CLCN3: variants seen among roughly 807,000 people sequenced by gnomAD.
CLCN3 encodes the protein Cl-/H+ antiporter 3.
Under a neutral mutation model 83.4 loss-of-function variants are expected in CLCN3, and 16 were observed. That is an observed-to-expected ratio of 0.19 (90% confidence interval 0.13 to 0.29). CLCN3 has a LOEUF of 0.29. Among genes scored for constraint, CLCN3 ranks in the 10% least tolerant of loss-of-function variants. CLCN3 has a pLI of 1.00. For synonymous variants in CLCN3, 322 were observed against 346.2 expected (o/e 0.93, Z 0.78); for missense variants, 544 against 1,006.0 (o/e 0.54, Z 6.21).
intron 1 of CLCN3, among the ~76,000 whole-genome samples, chr4:169,623,603 T>C (rs1293298173): frequency 6.6e-6 from 1 of 152,212 alleles, no homozygotes; most frequent in Non-Finnish European, 1.5e-5. Flanking sequence ...GCAATAGATC[T>C]CTAAAACTTA....
intron 11 of CLCN3, among the ~76,000 whole-genome samples, chr4:169,712,544 C>G (rs891444169): frequency 6.6e-6 from 1 of 152,126 alleles, no homozygotes; most frequent in Admixed American, 6.5e-5. Context: ...CTGTAATGTT[C>G]ATGACTTTTC....
chr4:169,657,300 A>T (rs977704655), intron 2 of CLCN3, among the ~76,000 whole-genome samples: 6 of 151,646 alleles, frequency 4.0e-5, no homozygotes, highest in Non-Finnish European at 7.4e-5. Context: ...AAGTCTTTTT[A>T]AAAAAAATTC....
intron 1 of CLCN3, among the ~76,000 whole-genome samples, chr4:169,627,549 A>C (rs777126490): frequency 5.3e-4 from 80 of 152,290 alleles, no homozygotes; most frequent in Non-Finnish European, 1.1e-3. Flanking sequence ...TGCCTGGTAC[A>C]TGCTAAGTGT....
At chr4:169,623,281 A>G (rs958122520) in intron 1 of CLCN3, among the ~76,000 whole-genome samples, 10 of 152,146 alleles carry the variant, frequency 6.6e-5, no homozygotes, top group Non-Finnish European at 1.3e-4. Context: ...TCTGAGTGTT[A>G]TATTTGTATG....
intron 2 of CLCN3, among the ~76,000 whole-genome samples, chr4:169,664,858 G>A (rs749159447): frequency 6.6e-6 from 1 of 152,172 alleles, no homozygotes; most frequent in Non-Finnish European, 1.5e-5. Flanking sequence ...CATTGATTAA[G>A]TTTGTAATTT....
Position 169,636,087 on chromosome 4 carries a change from T to C in CLCN3, c.159T>C (p.Val53=), listed in dbSNP as rs766089486. 1.2e-6 allele frequency: 2 copies of C among 1,610,902 alleles called. No homozygotes were observed. The highest frequency in any genetic ancestry group is 2.2e-5 in the South Asian group (2 of 90,742). Reference sequence around the variant, plus strand: ...ATTTATTAGATGGTGACACTGCAGTTGGTAAGTTCAGCATGACAGCCTAAT... The same window carrying C: ...ATTTATTAGATGGTGACACTGCAGTCGGTAAGTTCAGCATGACAGCCTAAT... ...DDNLLDGDTA[V]GTHYTMTNGG... The change falls in exon 2 of 13, where the codon GTT becomes GTC. Residue 53 remains valine, a splice_region_variant and synonymous_variant. Coordinates refer to ENST00000513761, the MANE Select transcript of CLCN3 (RefSeq NM_001829.4).
At chr4:169,636,735 G>GT (rs67900605) in intron 2 of CLCN3, among the ~76,000 whole-genome samples, 10,657 of 119,368 alleles carry the variant, frequency 0.089, 1,381 homozygotes, top group African/African-American at 0.29. Flanking sequence ...TCATTATTTG[G>GT]TTTTTTTTTT....
At chr4:169,714,032 T>G (rs1170236010) in intron 12 of CLCN3, among the ~76,000 whole-genome samples, 1 of 152,214 alleles carries the variant, frequency 6.6e-6, no homozygotes, top group Non-Finnish European at 1.5e-5. Flanking sequence ...CAGAATTGAT[T>G]TAGCAAATAC....
chr4:169,653,833 A>T (rs968476270), intron 2 of CLCN3, among the ~76,000 whole-genome samples: 1 of 152,020 alleles, frequency 6.6e-6, no homozygotes, highest in Non-Finnish European at 1.5e-5. Context: ...TTAAACAACC[A>T]GCTTTGTTGT....
At chr4:169,627,173 C>T (rs1474665888) in intron 1 of CLCN3, among the ~76,000 whole-genome samples, 1 of 152,146 alleles carries the variant, frequency 6.6e-6, no homozygotes, top group Admixed American at 6.5e-5. Flanking sequence ...TGGCCTATGT[C>T]TGCCTCTGTA....
At chr4:169,654,509 G>A (rs1184335162) in intron 2 of CLCN3, among the ~76,000 whole-genome samples, 1 of 151,820 alleles carries the variant, frequency 6.6e-6, no homozygotes, top group African/African-American at 2.4e-5. Flanking sequence ...TGCATTTAAA[G>A]CTATAAATTT....
intron 9 of CLCN3, among the ~76,000 whole-genome samples, chr4:169,699,370 A>G (rs1388168002): frequency 3.3e-5 from 5 of 152,212 alleles, no homozygotes; most frequent in Non-Finnish European, 7.3e-5. Context: ...TATCAGTGAT[A>G]TATATGGGGA....
Position 169,689,028 on chromosome 4 carries a change from A to C in CLCN3, c.419-15A>C, listed in dbSNP as rs764368453. ...TTGACTTAATTTTTTTACCATCTCCAACATGTTTTTATAGGGGCACTGGCC... is the reference window on the plus strand; with the variant it reads ...TTGACTTAATTTTTTTACCATCTCCCACATGTTTTTATAGGGGCACTGGCC... On this transcript the variant is annotated splice_polypyrimidine_tract_variant and intron_variant, in intron 4 of 12. Coordinates refer to ENST00000513761, the MANE Select transcript of CLCN3 (RefSeq NM_001829.4). 6.2e-7 allele frequency: 1 copy of C among 1,601,076 alleles called. No individual in the cohort carries two copies. The highest frequency in any genetic ancestry group is 8.5e-7 in the Non-Finnish European group (1 of 1,176,186).
rs576165967 is a variant in CLCN3 at position 169,684,579 on chromosome 4, G to A, written c.319-3079G>A. Among the ~76,000 whole-genome samples the A allele has an allele frequency of 1.5e-4, 23 of 152,146 alleles. No individual in the cohort carries two copies. The South Asian group carries it at 3.3e-3, about 22-fold the overall frequency. ...TCCTGATTCATCGTAGACATTTCCC[G>A]CAGCAAACCTGGAATCAGCCATTTC... On this transcript the variant is annotated intron_variant, in intron 3 of 12. Coordinates refer to ENST00000513761, the MANE Select transcript of CLCN3 (RefSeq NM_001829.4).
At position 169,636,051 on chromosome 4, in the gene CLCN3, T is replaced by C; in HGVS notation, c.123T>C (p.Ser41=). 6.2e-7 allele frequency: 1 copy of C among 1,613,086 alleles called. No individual in the cohort carries two copies. Among genetic ancestry groups the C allele is most frequent in the East Asian group, 2.2e-5 (1 of 44,810 alleles). ...GTGTTATTATGGACTTTCAAACATCTGAAGATGACAATTTATTAGATGGTG... is the reference window on the plus strand; with the variant it reads ...GTGTTATTATGGACTTTCAAACATCCGAAGATGACAATTTATTAGATGGTG... ...GAGVIMDFQT[S]EDDNLLDGDT... Residue 41 remains serine, a synonymous_variant, in exon 2 of 13, where the codon TCT becomes TCC. Transcript: ENST00000513761.
chr4:169,704,684 G>A (rs1354572641), intron 10 of CLCN3, among the ~76,000 whole-genome samples: 1 of 152,130 alleles, frequency 6.6e-6, no homozygotes, highest in Non-Finnish European at 1.5e-5. Flanking sequence ...ATGAGAAAAG[G>A]TAACTTCATT....
At chr4:169,679,697 C>G (rs190631231) in intron 2 of CLCN3, among the ~76,000 whole-genome samples, 2 of 152,282 alleles carry the variant, frequency 1.3e-5, no homozygotes, top group Admixed American at 1.3e-4. Context: ...GAGACCAGCC[C>G]GGCCAACACG....
chr4:169,697,904 A>G (rs1171529988), intron 9 of CLCN3, among the ~76,000 whole-genome samples, 170 bp downstream of exon 9: 2 of 152,202 alleles, frequency 1.3e-5, no homozygotes, highest in Admixed American at 1.3e-4. Context: ...TGACCATGTT[A>G]TCTGTTGCTA....
chr4:169,622,481 G>A (rs7683190), intron 1 of CLCN3, among the ~76,000 whole-genome samples: 147,841 of 152,282 alleles, frequency 0.97, 71,912 homozygotes, highest in East Asian at 1. Flanking sequence ...GGCCACTATC[G>A]CTGTTTTGTA....
Sources: gnomAD v4.1 joint callset for allele counts (sites outside exome capture counted in the v4.1 genomes callset) on GRCh38, gnomAD v4.1.1 for gene constraint, MANE v1.5 for transcripts, NCBI Gene and HGNC (gene_info 2026-07-23, HGNC 2026-07-21) for gene names.